The following CALN1 variants were observed in gnomAD, a reference collection of about 807,000 sequenced individuals.
CALN1 encodes calcium-binding protein 8.
Under a neutral mutation model 30.6 loss-of-function variants are expected in CALN1, and 17 were observed. The observed-to-expected ratio is 0.56, with a 90% CI of 0.38 to 0.83. The LOEUF (loss-of-function observed/expected upper bound fraction) is 0.83. Among genes scored for constraint, CALN1 ranks in the 40% least tolerant of loss-of-function variants. The probability of loss-of-function intolerance (pLI) is 0.00; values close to 1 mark genes in which losing one functional copy is unlikely to be tolerated. For synonymous variants in CALN1, 156 were observed against 131.4 expected (o/e 1.19, Z -1.28); for missense variants, 291 against 354.9 (o/e 0.82, Z 1.45).
At chr7:72,305,358 T>C (rs1799577653) in intron 2 of CALN1, among the ~76,000 whole-genome samples, 1 of 152,240 alleles carries the variant, frequency 6.6e-6, no homozygotes, top group African/African-American at 2.4e-5. Context: ...AAAGTTCCAC[T>C]GCTTGTTAAG....
At chr7:72,224,180 T>G (rs1447195142) in intron 3 of CALN1, among the ~76,000 whole-genome samples, 1 of 152,122 alleles carries the variant, frequency 6.6e-6, no homozygotes. Flanking sequence ...GAATCTAAAA[T>G]AAAAGTTGAA....
At chr7:72,470,044 A>T in the CALN1 span, among the ~76,000 whole-genome samples, 3 of 152,138 alleles carry the variant, frequency 2.0e-5, no homozygotes, top group African/African-American at 7.2e-5. Flanking sequence ...AAGCAGTGAA[A>T]AGAACATAGG....
intron 3 of CALN1, among the ~76,000 whole-genome samples, chr7:72,233,223 G>A (rs1476497819): frequency 6.6e-6 from 1 of 150,878 alleles, no homozygotes; most frequent in Non-Finnish European, 1.5e-5. Flanking sequence ...GCACTGTGGA[G>A]AAAGGCATGG....
chr7:71,862,039 C>T (rs1791317086), intron 5 of CALN1, among the ~76,000 whole-genome samples: 1 of 152,182 alleles, frequency 6.6e-6, no homozygotes, highest in Non-Finnish European at 1.5e-5. Flanking sequence ...TAGCAACTAA[C>T]TAACTTTCTC....
At chr7:72,233,526 G>A (rs34818820) in intron 3 of CALN1, among the ~76,000 whole-genome samples, 51,499 of 151,860 alleles carry the variant, frequency 0.34, 10,040 homozygotes, top group Middle Eastern at 0.53. Context: ...GACCAGCATC[G>A]GCAACATAGT....
intron 2 of CALN1, among the ~76,000 whole-genome samples, chr7:72,323,057 GAAAAA>G (rs1175341621): frequency 8.2e-6 from 1 of 122,082 alleles, no homozygotes; most frequent in Non-Finnish European, 1.8e-5. Context: ...AAACCACACA[GAAAAA>G]AAAAAAAAAA....
At chr7:71,857,576 C>T (rs1791029042) in intron 5 of CALN1, among the ~76,000 whole-genome samples, 1 of 151,272 alleles carries the variant, frequency 6.6e-6, no homozygotes, top group Non-Finnish European at 1.5e-5. Context: ...GGCTGTCTCA[C>T]CGACTCCTCT....
At chr7:72,414,552 C>T (rs1411607219), upstream of CALN1, among the ~76,000 whole-genome samples, 1 of 152,174 alleles carries the variant, frequency 6.6e-6, no homozygotes, top group African/African-American at 2.4e-5. Context: ...AGAGACGTTA[C>T]AGAACAGCAG....
At chr7:72,098,415 T>C (rs1806391093) in intron 4 of CALN1, among the ~76,000 whole-genome samples, 1 of 152,128 alleles carries the variant, frequency 6.6e-6, no homozygotes, top group Non-Finnish European at 1.5e-5. Flanking sequence ...TAACTCTGAA[T>C]AGTTCAGGCT....
At chr7:72,201,159 G>A (rs1312832125) in intron 3 of CALN1, among the ~76,000 whole-genome samples, 3 of 152,198 alleles carry the variant, frequency 2.0e-5, no homozygotes, top group East Asian at 3.8e-4. Flanking sequence ...ATTATCCTAA[G>A]TGAATTAACT....
chr7:72,269,224 ATACTTT>A (rs1158144285), intron 3 of CALN1, among the ~76,000 whole-genome samples: 2 of 152,094 alleles, frequency 1.3e-5, no homozygotes, highest in Admixed American at 6.5e-5. Context: ...TTATTTTATT[ATACTTT>A]AAGTTTTAGG....
At chr7:72,042,669 G>T (rs1011276213) in intron 4 of CALN1, among the ~76,000 whole-genome samples, 1 of 152,124 alleles carries the variant, frequency 6.6e-6, no homozygotes, top group Non-Finnish European at 1.5e-5. Context: ...CCAACAGATT[G>T]AGGCTGCAGT....
At chr7:72,372,385 G>A (rs1275795059) in intron 2 of CALN1, among the ~76,000 whole-genome samples, 1 of 152,152 alleles carries the variant, frequency 6.6e-6, no homozygotes, top group African/African-American at 2.4e-5. Context: ...TGTAGTTGCA[G>A]AAAGCATGCA....
intron 2 of CALN1, among the ~76,000 whole-genome samples, chr7:72,396,206 G>C (rs1382329524): frequency 7.3e-6 from 1 of 136,998 alleles, no homozygotes; most frequent in Non-Finnish European, 1.5e-5. Context: ...AGACCAGCCT[G>C]GTCAGCATGG....
the CALN1 span, among the ~76,000 whole-genome samples, chr7:72,453,418 CGGGTCATTGCCCTG>C: frequency 6.6e-6 from 1 of 152,160 alleles, no homozygotes; most frequent in Non-Finnish European, 1.5e-5. Context: ...TAGTAACTTC[CGGGTCATTGCCCTG>C]GAAAGGGGTG....
chr7:72,121,833 A>T (rs973998374), intron 3 of CALN1, among the ~76,000 whole-genome samples: 2 of 147,726 alleles, frequency 1.4e-5, no homozygotes, highest in African/African-American at 4.9e-5. Context: ...GTTATTATAA[A>T]CCTGTTTATC....
chr7:71,859,267 T>C (rs971805296), intron 5 of CALN1, among the ~76,000 whole-genome samples: 1 of 152,116 alleles, frequency 6.6e-6, no homozygotes, highest in African/African-American at 2.4e-5. Flanking sequence ...TTCATCATGT[T>C]GGCCAGGCTG....
At chr7:72,445,931 G>A (rs933617399) in intron 1 of CALN1, among the ~76,000 whole-genome samples, 5 of 152,114 alleles carry the variant, frequency 3.3e-5, no homozygotes, top group East Asian at 1.9e-4. Flanking sequence ...AGACTTGAAC[G>A]GGGATGTTAA....
chr7:71,928,864 TAAAAATAC>T (rs1316100464), intron 5 of CALN1, among the ~76,000 whole-genome samples: 219 of 151,948 alleles, frequency 1.4e-3, no homozygotes, highest in African/African-American at 5.1e-3. Context: ...CCGCCTCTAC[TAAAAATAC>T]AAAAATACAA....
Sources: gnomAD v4.1 joint callset for allele counts (sites outside exome capture counted in the v4.1 genomes callset) on GRCh38, gnomAD v4.1.1 for gene constraint, MANE v1.5 for transcripts, NCBI Gene and HGNC (gene_info 2026-07-23, HGNC 2026-07-21) for gene names.